CCDC157: variants seen among roughly 807,000 people sequenced by gnomAD.
CCDC157 encodes the protein coiled-coil domain-containing protein 157.
A neutral mutation model predicts 70.9 loss-of-function variants in CCDC157; 60 were observed. The ratio of observed to expected loss-of-function variants is 0.85; its 90% CI spans 0.69 to 1.05. The LOEUF is 1.05. CCDC157 is among the 50% of genes least tolerant of loss of function. The pLI is 0.00. For synonymous variants in CCDC157, 373 were observed against 422.4 expected (o/e 0.88, Z 1.43); for missense variants, 943 against 984.2 (o/e 0.96, Z 0.56).
At position 30,373,862 on chromosome 22, in the gene CCDC157, C is replaced by T. The variant is rs1933133370; in HGVS notation, c.1504-61C>T. ...CTTTTCTTGGGTAGGGACGGTGCCCCAGGGCGCTGAGTACCATGTAGCTCA... is the reference window on the plus strand; with the variant it reads ...CTTTTCTTGGGTAGGGACGGTGCCCTAGGGCGCTGAGTACCATGTAGCTCA... On this transcript the variant is annotated intron_variant, in intron 8 of 11. Transcript: ENST00000338306. The T allele has an allele frequency of 3.2e-6, 5 of 1,553,078 alleles. No individual in the cohort carries two copies. The South Asian group carries it at 3.5e-5, about 11-fold the overall frequency.
Position 30,376,962 on chromosome 22 carries a change from G to T in CCDC157, c.*217G>T. ...TGGCACTATGGGCCCTCAGTAAAAG[G>T]GGCCTTCCTGCTTCCCTCCCGACAG... On this transcript the variant is annotated 3_prime_UTR_variant, in exon 12 of 12. Transcript: ENST00000338306. 3.3e-6 allele frequency: 2 copies of T among 597,666 alleles called. No individual in the cohort carries two copies. The highest frequency in any genetic ancestry group is 5.9e-6 in the Non-Finnish European group (2 of 337,158). The allele number at this position is 597,666 out of a possible 1,614,324, so 37.0% of individuals were successfully genotyped here. A position where few individuals can be genotyped will look rare whatever the true frequency, so the allele number is the denominator to read the frequency against.
At chr22:30,357,983 C>G (rs1932042584) in intron 1 of CCDC157, among the ~76,000 whole-genome samples, 1 of 152,166 alleles carries the variant, frequency 6.6e-6, no homozygotes, top group Admixed American at 6.5e-5. Context: ...GGCTTCACCC[C>G]TCACTCTCAC....
At position 30,378,126 on chromosome 22, in the gene CCDC157, C is replaced by T. The variant is rs1218758003; in HGVS notation, c.*1381C>T. The T allele has an allele frequency of 2.1e-6, 1 of 471,024 alleles. No homozygotes were observed. The highest frequency in any genetic ancestry group is 4.4e-6 in the Non-Finnish European group (1 of 227,048). The allele number at this position is 471,024 out of a possible 1,614,324, so 29.2% of individuals were successfully genotyped here. A position where few individuals can be genotyped will look rare whatever the true frequency, so the allele number is the denominator to read the frequency against. ...CCTAGAGGCCGTCCACCTTCCTTGC[C>T]ATGGGGCTCCCTCCATCTTCAAGTC... On this transcript the variant is annotated 3_prime_UTR_variant, in exon 12 of 12. Coordinates refer to ENST00000338306, the MANE Select transcript of CCDC157 (RefSeq NM_001017437.5).
intron 6 of CCDC157, 171 bp downstream of exon 6, chr22:30,371,898 A>G: frequency 2.7e-6 from 2 of 738,782 alleles, no homozygotes; most frequent in Admixed American, 2.7e-5. Flanking sequence ...CTGGGTTGCC[A>G]CCTCCTACCG....
chr22:30,367,844 C>G (rs1306378402), intron 3 of CCDC157, among the ~76,000 whole-genome samples: 1 of 152,068 alleles, frequency 6.6e-6, no homozygotes, highest in African/African-American at 2.4e-5. Flanking sequence ...GTCAGTAGTT[C>G]GAGACTAGCC....
upstream of CCDC157, chr22:30,356,798 C>T (rs766798912): frequency 2.9e-6 from 4 of 1,396,250 alleles, no homozygotes; most frequent in Admixed American, 8.4e-5. Flanking sequence ...GGCATGACTG[C>T]GACGCTCAGG....
chr22:30,357,671 T>G (rs1395823556), intron 1 of CCDC157, among the ~76,000 whole-genome samples: 2 of 121,620 alleles, frequency 1.6e-5, no homozygotes, highest in Middle Eastern at 3.8e-3. Context: ...CCGGCTAATT[T>G]TTTTTTTTTT....
intron 1 of CCDC157, among the ~76,000 whole-genome samples, chr22:30,358,020 TC>T (rs1932047114): frequency 6.6e-6 from 1 of 152,186 alleles, no homozygotes; most frequent in African/African-American, 2.4e-5. Flanking sequence ...GCTATGCGGC[TC>T]GCTCCCCAGA....
intron 9 of CCDC157, chr22:30,375,155 C>T: frequency 3.3e-6 from 1 of 303,808 alleles, no homozygotes; most frequent in Non-Finnish European, 6.3e-6. Flanking sequence ...GACGGGGTTT[C>T]ACCATGTTGG....
At chr22:30,371,969 C>CT in intron 6 of CCDC157, 106 bp from the exon 7 acceptor site, 2 of 835,434 alleles carry the variant, frequency 2.4e-6, no homozygotes, top group East Asian at 5.4e-5. Flanking sequence ...CATTTTGTGG[C>CT]TGAGGACTCT....
At chr22:30,356,720 G>A (rs777836486), upstream of CCDC157, 15 of 1,489,284 alleles carry the variant, frequency 1.0e-5, no homozygotes, top group Admixed American at 2.0e-4. Context: ...GAGGGGCGGG[G>A]GAGAGGTACC....
In CCDC157 at chr22:30,372,225, G is replaced by A. The variant is rs1932993424; in HGVS notation, c.1274G>A (p.Trp425Ter). Reference protein sequence around the residue: ...RLEGAGQQVCWASTELDKEKA... With the variant: ...RLEGAGQQVC ...GAGGGCGCTGGCCAGCAGGTCTGCT[G>A]GGCCAGCACGGAGCTGGATAAGGAG... Residue 425 changes from tryptophan (W) to a stop codon, truncating the protein, a stop_gained, in exon 7 of 12, where the codon TGG becomes TAG. Transcript: ENST00000338306. LOFTEE classifies it high-confidence loss of function. 6.3e-7 allele frequency: 1 copy of A among 1,596,520 alleles called. No individual in the cohort carries two copies. The highest frequency in any genetic ancestry group is 1.3e-5 in the African/African-American group (1 of 74,890).
chr22:30,362,488 G>C (rs1932416101), intron 2 of CCDC157, among the ~76,000 whole-genome samples: 1 of 152,190 alleles, frequency 6.6e-6, no homozygotes. Flanking sequence ...GGGAGACACT[G>C]AAGCTGGGGC....
At chr22:30,367,249 CCTTT>C (rs890448682) in intron 3 of CCDC157, among the ~76,000 whole-genome samples, 14 of 149,896 alleles carry the variant, frequency 9.3e-5, no homozygotes, top group South Asian at 4.2e-4. Flanking sequence ...TTGGTGCATG[CCTTT>C]TTTTTTTTTC....
At chr22:30,363,741 T>C (rs5753096) in intron 2 of CCDC157, among the ~76,000 whole-genome samples, 30,112 of 144,454 alleles carry the variant, frequency 0.21, 3,323 homozygotes, top group Middle Eastern at 0.36. Flanking sequence ...CAGGCTGGAG[T>C]GCAATGGCGC....
rs1211846980 is a variant in CCDC157 at position 30,375,617 on chromosome 22, C to T, written c.1811C>T (p.Ser604Leu). 3 of 1,614,074 alleles carry T rather than the reference C, an allele frequency of 1.9e-6. No homozygotes were observed. Among genetic ancestry groups the T allele is most frequent in the Admixed American group, 1.7e-5 (1 of 59,968 alleles). The change falls in exon 10 of 12, where the codon TCA (serine) becomes TTA (leucine). Residue 604 changes from serine to leucine, a missense_variant. Ser to Leu is a moderately radical substitution (Grantham distance 145). Coordinates refer to ENST00000338306, the MANE Select transcript of CCDC157 (RefSeq NM_001017437.5). ...CAGGAGGAGAACGGGCGGCTCCAATCAATGCTGTCCAAAATCCGGGAAGTG... is the reference window on the plus strand; with the variant it reads ...CAGGAGGAGAACGGGCGGCTCCAATTAATGCTGTCCAAAATCCGGGAAGTG... ...VLQEENGRLQ[S>L]MLSKIREVAQ...
intron 7 of CCDC157, 149 bp downstream of exon 7, chr22:30,372,435 G>A (rs2145935793): frequency 1.8e-6 from 2 of 1,133,988 alleles, no homozygotes; most frequent in East Asian, 2.6e-5. Flanking sequence ...CCTTTACAGA[G>A]AGTCTACCCT....
chr22:30,365,527 GC>G (rs900188699), intron 2 of CCDC157, among the ~76,000 whole-genome samples: 12 of 152,262 alleles, frequency 7.9e-5, no homozygotes, highest in African/African-American at 2.9e-4. Context: ...GAGAGGGCAG[GC>G]CTGTGACCCA....
At chr22:30,369,187 G>A in intron 3 of CCDC157, 1 of 349,384 alleles carries the variant, frequency 2.9e-6, no homozygotes, top group East Asian at 4.3e-5. Context: ...GTGGAGAAGA[G>A]CCAGGCAGAA....
Sources: allele counts gnomAD v4.1 joint callset (sites outside exome capture counted in the v4.1 genomes callset), GRCh38; gene constraint gnomAD v4.1.1; transcripts MANE v1.5; gene names NCBI Gene and HGNC (gene_info 2026-07-23, HGNC 2026-07-21).